Variants in COL26A1 observed in about 807,000 individuals in gnomAD.
COL26A1 encodes the protein collagen type XXVI alpha 1 chain, also known as collagen alpha-1(XXVI) chain.
COL26A1 carries 41 observed loss-of-function variants against 59.3 expected under a neutral mutation model. The observed-to-expected ratio is 0.69, with a 90% CI of 0.54 to 0.90. The LOEUF is 0.90. COL26A1 is among the 40% of genes least tolerant of loss of function. The pLI is 0.00. For synonymous variants in COL26A1, 266 were observed against 256.0 expected (o/e 1.04, Z -0.37); for missense variants, 612 against 602.3 (o/e 1.02, Z -0.17).
rs796089309 is a variant in COL26A1 at position 101,385,055 on chromosome 7, GCCA to G, written c.158+21867_158+21869del. On this transcript the variant is annotated intron_variant, in intron 1 of 12. Coordinates refer to ENST00000313669, the MANE Select transcript of COL26A1 (RefSeq NM_001278563.3). ...TCACCTTCTCTGCCTGCTTTTTCTA[GCCA>G]CGCTGGCAGCCGATTGAATGGTGCC... Among the ~76,000 whole-genome samples the G allele has an allele frequency of 2.3e-3, 344 of 152,102 alleles. 3 individuals are homozygous for G. The highest frequency in any genetic ancestry group is 7.9e-3 in the African/African-American group (328 of 41,516).
In COL26A1 at chr7:101,384,572, C is replaced by T. The variant is rs77813433; in HGVS notation, c.158+21382C>T. Among the ~76,000 whole-genome samples the T allele has an allele frequency of 1.6e-4, 25 of 152,214 alleles. No individual in the cohort carries two copies. The South Asian group carries it at 2.1e-3, about 13-fold the overall frequency. ...CTGGGCTCAAGCAATCCTCCAGCCTCGGCCTCCCAGTGTGTTGGGATTACA... is the reference window on the plus strand; with the variant it reads ...CTGGGCTCAAGCAATCCTCCAGCCTTGGCCTCCCAGTGTGTTGGGATTACA... On this transcript the variant is annotated intron_variant, in intron 1 of 12. Coordinates refer to ENST00000313669, the MANE Select transcript of COL26A1 (RefSeq NM_001278563.3).
At chr7:101,474,130 G>A (rs1030162853) in intron 3 of COL26A1, among the ~76,000 whole-genome samples, 1 of 152,110 alleles carries the variant, frequency 6.6e-6, no homozygotes, top group African/African-American at 2.4e-5. Flanking sequence ...TGGGCAGCAG[G>A]CAGGCAACAC....
chr7:101,399,984 GGA>G (rs771494368), intron 1 of COL26A1, among the ~76,000 whole-genome samples: 5 of 152,160 alleles, frequency 3.3e-5, no homozygotes, highest in Admixed American at 2.6e-4. Flanking sequence ...CTGCTCTCAG[GGA>G]GAGAGAGACA....
rs150820078 is a variant in COL26A1 at position 101,473,608 on chromosome 7, C to CCACACA, written c.385+25862_385+25867dup. Among the ~76,000 whole-genome samples, 692 of 143,452 alleles carry CCACACA rather than the reference C, an allele frequency of 4.8e-3. 5 individuals are homozygous for CCACACA. Among genetic ancestry groups the CCACACA allele is most frequent in the Middle Eastern group, 0.01 (3 of 292 alleles). The allele number at this position is 143,452 out of a possible 152,430, so 94.1% of individuals were successfully genotyped here. ...CAGGCAACAGAGCAACACCTTGTCT[C>CCACACA]CACACACACACACACACACACACAC... On this transcript the variant is annotated intron_variant, in intron 3 of 12. Coordinates refer to ENST00000313669, the MANE Select transcript of COL26A1 (RefSeq NM_001278563.3).
chr7:101,448,560 A>T (rs1222955804), intron 3 of COL26A1, among the ~76,000 whole-genome samples: 1 of 151,758 alleles, frequency 6.6e-6, no homozygotes, highest in African/African-American at 2.4e-5. Flanking sequence ...TGACATGATC[A>T]TGGCTCACTG....
intron 2 of COL26A1, among the ~76,000 whole-genome samples, chr7:101,435,913 T>A (rs1792903488): frequency 6.6e-6 from 1 of 152,036 alleles, no homozygotes; most frequent in South Asian, 2.1e-4. Flanking sequence ...CCCGCCAGCC[T>A]CCCCCCTCTG....
chr7:101,471,564 G>GTTGT, intron 3 of COL26A1, among the ~76,000 whole-genome samples: 2 of 129,014 alleles, frequency 1.6e-5, no homozygotes, highest in African/African-American at 3.1e-5. Flanking sequence ...TGTTGTTGTT[G>GTTGT]TTGTTTGTTT....
chr7:101,501,611 T>C (rs1027718930), intron 3 of COL26A1, among the ~76,000 whole-genome samples: 2 of 152,146 alleles, frequency 1.3e-5, no homozygotes, highest in African/African-American at 4.8e-5. Context: ...CTGCCTGTTG[T>C]TTCTGCCCCA....
intron 3 of COL26A1, among the ~76,000 whole-genome samples, chr7:101,463,576 C>G (rs1562993063): frequency 8.3e-6 from 1 of 121,014 alleles, no homozygotes; most frequent in African/African-American, 3.2e-5. Context: ...TTCACTTGTC[C>G]TTCCCTTCCC....
chr7:101,492,844 G>A (rs988577399), intron 3 of COL26A1, among the ~76,000 whole-genome samples: 12 of 151,652 alleles, frequency 7.9e-5, no homozygotes, highest in African/African-American at 1.5e-4. Flanking sequence ...GGCTCAAGTG[G>A]TCCTCCCATC....
At chr7:101,377,434 T>G (rs1030764047) in intron 1 of COL26A1, among the ~76,000 whole-genome samples, 1 of 151,794 alleles carries the variant, frequency 6.6e-6, no homozygotes, top group African/African-American at 2.4e-5. Context: ...GTGACTCACT[T>G]TTTTTTTGGA....
intron 2 of COL26A1, among the ~76,000 whole-genome samples, chr7:101,442,329 CTTT>C (rs35025332): frequency 1.5e-4 from 21 of 139,330 alleles, no homozygotes; most frequent in Admixed American, 3.6e-4. Context: ...CTAGGTCTTT[CTTT>C]TTTTTTTTTT....
At position 101,417,614 on chromosome 7, in the gene COL26A1, A is replaced by G. The variant is rs1273481953; in HGVS notation, c.159-2363A>G. Among the ~76,000 whole-genome samples the G allele has an allele frequency of 7.4e-5, 3 of 40,460 alleles. No individual in the cohort carries two copies. In the East Asian group the frequency reaches 1.8e-3, roughly 25 times the overall value. The allele number at this position is 40,460 out of a possible 152,430, so 26.5% of individuals were successfully genotyped here. On this transcript the variant is annotated intron_variant, in intron 1 of 12. Transcript: ENST00000313669. ...TCTATAGATACAGGTATATCTATAT[A>G]TCTAGACATAGATATAGAGATATAT...
At chr7:101,443,415 A>G (rs1313964537) in intron 2 of COL26A1, among the ~76,000 whole-genome samples, 1 of 152,208 alleles carries the variant, frequency 6.6e-6, no homozygotes. Flanking sequence ...TTTCAGATTC[A>G]GAGCTGTACT....
rs186396204 is a variant in COL26A1 at position 101,471,726 on chromosome 7, C to T, written c.385+23939C>T. On this transcript the variant is annotated intron_variant, in intron 3 of 12. Transcript: ENST00000313669. ...TTCAGAGTAGCTGGGACGATAGGCA[C>T]GCACCATCGTGCCTGGCTCATTTTT... Among the ~76,000 whole-genome samples, 5 of 151,520 alleles carry T rather than the reference C, an allele frequency of 3.3e-5. No homozygotes were observed. The East Asian group carries it at 7.9e-4, about 24-fold the overall frequency.
At chr7:101,366,449 T>G (rs1452001372) in intron 1 of COL26A1, among the ~76,000 whole-genome samples, 1 of 150,692 alleles carries the variant, frequency 6.6e-6, no homozygotes, top group East Asian at 1.9e-4. Context: ...TTAATTTCAT[T>G]GTTACTGCTC....
Position 101,416,147 on chromosome 7 carries a change from C to G in COL26A1, c.159-3830C>G, listed in dbSNP as rs530584131. ...GGTGGCACACGCCTGGAATCCCAGC[C>G]CTTTGGGAAGCCGAGGTGGGACGAT... On this transcript the variant is annotated intron_variant, in intron 1 of 12. Transcript: ENST00000313669. Among the ~76,000 whole-genome samples, 288 of 142,938 alleles carry G rather than the reference C, an allele frequency of 2.0e-3. 15 individuals are homozygous for G. The highest frequency in any genetic ancestry group is 6.8e-3 in the African/African-American group (277 of 40,604). The allele number at this position is 142,938 out of a possible 152,430, so 93.8% of individuals were successfully genotyped here. A position where few individuals can be genotyped will look rare whatever the true frequency, so the allele number is the denominator to read the frequency against.
At chr7:101,556,176 C>T (rs752149518) in intron 12 of COL26A1, among the ~76,000 whole-genome samples, 2 of 152,234 alleles carry the variant, frequency 1.3e-5, no homozygotes, top group African/African-American at 4.8e-5. Context: ...CTGGTGAACA[C>T]TGACTGCCAC....
intron 2 of COL26A1, among the ~76,000 whole-genome samples, chr7:101,420,961 C>G (rs1293826377): frequency 6.6e-6 from 1 of 152,130 alleles, no homozygotes; most frequent in African/African-American, 2.4e-5. Flanking sequence ...CCAAACCACT[C>G]TCCCCACAGC....
Sources: allele counts gnomAD v4.1 joint callset (sites outside exome capture counted in the v4.1 genomes callset), GRCh38; gene constraint gnomAD v4.1.1; transcripts MANE v1.5; gene names NCBI Gene and HGNC (gene_info 2026-07-23, HGNC 2026-07-21).